The following NDRG3 variants were observed in gnomAD, a reference collection of about 807,000 sequenced individuals.
NDRG3 encodes the protein protein NDRG3.
In NDRG3, 23 loss-of-function variants were observed where a neutral mutation model predicts 57.2. The observed-to-expected ratio is 0.40, with a 90% CI of 0.29 to 0.57. NDRG3 has a LOEUF of 0.57. NDRG3 is among the 20% of genes least tolerant of loss of function. NDRG3 has a pLI of 0.42. For synonymous variants in NDRG3, 132 were observed against 162.6 expected (o/e 0.81, Z 1.43); for missense variants, 384 against 457.3 (o/e 0.84, Z 1.46).
chr20:36,745,078 C>A (rs1161899940), intron 1 of NDRG3, among the ~76,000 whole-genome samples: 1 of 151,566 alleles, frequency 6.6e-6, no homozygotes, highest in Non-Finnish European at 1.5e-5. Flanking sequence ...ATCCACGGGG[C>A]TCCTAGTCTA....
chr20:36,703,887 T>A (rs528411965), intron 3 of NDRG3, among the ~76,000 whole-genome samples: 2 of 152,286 alleles, frequency 1.3e-5, no homozygotes, highest in East Asian at 3.9e-4. Flanking sequence ...AAGTGACTCA[T>A]AATTATATTT....
intron 7 of NDRG3, among the ~76,000 whole-genome samples, chr20:36,681,414 G>T (rs541516458): frequency 2.6e-5 from 4 of 151,902 alleles, no homozygotes; most frequent in Non-Finnish European, 4.4e-5. Context: ...GAGGAGGGTG[G>T]ATCACGAGGT....
rs1978384353 is a variant in NDRG3 at position 36,653,505 on chromosome 20, G to C, written c.*15C>G. 1 of 1,610,598 alleles carries C rather than the reference G, an allele frequency of 6.2e-7. No individual in the cohort carries two copies. The highest frequency in any genetic ancestry group is 1.3e-5 in the African/African-American group (1 of 74,864). Reference sequence around the variant, plus strand: ...GAAGGATGGACTTGCAATGGTCCAGGGGAGGAGCATCTGCTTAGCAGGACA... The same window carrying C: ...GAAGGATGGACTTGCAATGGTCCAGCGGAGGAGCATCTGCTTAGCAGGACA... On this transcript the variant is annotated 3_prime_UTR_variant, in exon 16 of 16. Transcript: ENST00000349004. This position sits in a 1 kb window ranked among gnomAD's most constrained non-coding sequence, Gnocchi z 4.2.
At chr20:36,674,131 A>G (rs554689327) in intron 8 of NDRG3, among the ~76,000 whole-genome samples, 5 of 152,194 alleles carry the variant, frequency 3.3e-5, no homozygotes, top group Non-Finnish European at 5.9e-5. Flanking sequence ...ATTTAAGAAC[A>G]GTGCCTGGTA....
chr20:36,693,988 A>G (rs984642704), intron 3 of NDRG3, among the ~76,000 whole-genome samples: 5 of 152,298 alleles, frequency 3.3e-5, no homozygotes, highest in South Asian at 4.1e-4. Flanking sequence ...AGGACCACTG[A>G]TATACTGTAT....
At chr20:36,740,508 G>A (rs1489110360) in intron 1 of NDRG3, among the ~76,000 whole-genome samples, 1 of 152,106 alleles carries the variant, frequency 6.6e-6, no homozygotes, top group Non-Finnish European at 1.5e-5. Context: ...CACCATACCC[G>A]GCTAATTTTT....
Position 36,656,501 on chromosome 20 carries a change from A to G in NDRG3, c.890T>C (p.Val297Ala), listed in dbSNP as rs1424174421. The change falls in exon 14 of 16, where the codon GTT (valine) becomes GCT (alanine). Residue 297 changes from valine (V) to alanine (A), a missense_variant. Val to Ala is a moderately conservative substitution (Grantham distance 64). Transcript: ENST00000349004. ...TTTAAAAAAAATTCTCCTTACCTGAACTACCTGGGGCAGTCCCCCACAGTC... is the reference window on the plus strand; with the variant it reads ...TTTAAAAAAAATTCTCCTTACCTGAGCTACCTGGGGCAGTCCCCCACAGTC... ...MADCGGLPQV[V>A]QPGKLTEAFK... The G allele has an allele frequency of 6.2e-7, 1 of 1,614,084 alleles. No homozygotes were observed. The highest frequency in any genetic ancestry group is 8.5e-7 in the Non-Finnish European group (1 of 1,180,012).
intron 3 of NDRG3, among the ~76,000 whole-genome samples, chr20:36,691,910 C>T (rs1268219280): frequency 6.6e-6 from 1 of 152,098 alleles, no homozygotes; most frequent in African/African-American, 2.4e-5. Context: ...GGGGATAAAA[C>T]AGTAAACCTG....
chr20:36,697,584 T>C (rs965717295), intron 3 of NDRG3, among the ~76,000 whole-genome samples: 2 of 152,030 alleles, frequency 1.3e-5, no homozygotes, highest in Admixed American at 1.3e-4. Flanking sequence ...GGCGGGTGCC[T>C]ATAATCCCAG....
intron 12 of NDRG3, among the ~76,000 whole-genome samples, chr20:36,660,942 CGT>C (rs759624559): frequency 1.3e-5 from 2 of 152,224 alleles, no homozygotes; most frequent in Non-Finnish European, 2.9e-5. Flanking sequence ...GAATCTGTTA[CGT>C]GTCTTTAAAA....
intron 15 of NDRG3, chr20:36,654,803 G>C: frequency 2.6e-6 from 2 of 779,798 alleles, no homozygotes. Flanking sequence ...GAAGGTACCT[G>C]ACTCGGTGCT....
At chr20:36,730,140 G>A (rs1467746541) in intron 1 of NDRG3, among the ~76,000 whole-genome samples, 3 of 151,588 alleles carry the variant, frequency 2.0e-5, no homozygotes, top group African/African-American at 7.2e-5. Flanking sequence ...CCAGCTACTC[G>A]GGAGGCAGAA....
intron 1 of NDRG3, among the ~76,000 whole-genome samples, chr20:36,733,165 AAAAAAAATATAT>A (rs1287176179): frequency 2.2e-5 from 1 of 44,560 alleles, no homozygotes; most frequent in Non-Finnish European, 4.2e-5. Context: ...AAAAAAAAAA[AAAAAAAATATAT>A]ATATATATAT....
At chr20:36,680,631 G>A (rs923280056) in intron 8 of NDRG3, among the ~76,000 whole-genome samples, 185 bp downstream of exon 8, 6 of 152,122 alleles carry the variant, frequency 3.9e-5, no homozygotes, top group Middle Eastern at 3.2e-3. Context: ...AAGATACAAC[G>A]GAATCCCCTA....
intron 12 of NDRG3, 105 bp from the exon 13 acceptor site, chr20:36,660,489 G>C: frequency 1.5e-6 from 1 of 677,624 alleles, no homozygotes; most frequent in Middle Eastern, 3.0e-4. Context: ...GCTCAGTCTG[G>C]AGAAGGCTGA....
At chr20:36,735,394 T>G (rs10470042) in intron 1 of NDRG3, among the ~76,000 whole-genome samples, 11 of 152,156 alleles carry the variant, frequency 7.2e-5, no homozygotes, top group Admixed American at 7.2e-4. Flanking sequence ...ATCCAAAACC[T>G]GAAACACTTC....
In NDRG3 at chr20:36,652,993, T is replaced by C. The variant is rs1978342479; in HGVS notation, c.*527A>G. ...TCCTCAAAGCTGCTCTCTCCTGAAA[T>C]CACTTTGCAAATTTTGTTGACCAAT... is the stretch of plus-strand genomic sequence containing the variant. On this transcript the variant is annotated 3_prime_UTR_variant, in exon 16 of 16. Transcript: ENST00000349004. 6.5e-6 allele frequency: 1 copy of C among 152,678 alleles called. No homozygotes were observed. The highest frequency in any genetic ancestry group is 6.5e-5 in the Admixed American group (1 of 15,292). 9.5% of individuals were successfully genotyped at this position (152,678 alleles called of 1,614,324 possible).
intron 3 of NDRG3, among the ~76,000 whole-genome samples, chr20:36,698,114 C>A (rs939569924): frequency 6.6e-6 from 1 of 151,628 alleles, no homozygotes. Context: ...TACAGGCACA[C>A]GCCACCACAC....
chr20:36,688,675 A>G lies in NDRG3; in HGVS notation c.199+4T>C. 2.5e-6 allele frequency: 4 copies of G among 1,598,954 alleles called. No individual in the cohort carries two copies. The highest frequency in any genetic ancestry group is 3.4e-6 in the Non-Finnish European group (4 of 1,166,264). On this transcript the variant is annotated splice_donor_region_variant and intron_variant, in intron 4 of 15. Transcript: ENST00000349004. ...GAAGGGAAGGTGTAAAATAAAATAC[A>G]TACGGTTGAGGCCAATGTCATGATA...
Sources: allele counts gnomAD v4.1 joint callset (sites outside exome capture counted in the v4.1 genomes callset), GRCh38; gene constraint gnomAD v4.1.1; non-coding constraint Gnocchi (gnomAD v3.1); transcripts MANE v1.5; gene names NCBI Gene and HGNC (gene_info 2026-07-23, HGNC 2026-07-21).